The following ERC2 variants were observed in gnomAD, a reference collection of about 807,000 sequenced individuals.
ERC2 encodes ERC protein 2.
ERC2 carries 42 observed loss-of-function variants against 114.8 expected under a neutral mutation model. That is an observed-to-expected ratio of 0.37 (90% CI 0.29 to 0.47). The LOEUF is 0.47. Among genes scored for constraint, ERC2 ranks in the 20% least tolerant of loss-of-function variants. The pLI, the probability that ERC2 is intolerant of heterozygous loss-of-function variation, is 0.99. For missense variants in ERC2, 939 were observed against 1,150.7 expected, an observed-to-expected ratio of 0.82 and a Z score of 2.66; for synonymous variants, 454 against 425.5, an observed-to-expected ratio of 1.07 and a Z score of -0.82.
chr3:55,805,132 C>T (rs980577696), intron 14 of ERC2, among the ~76,000 whole-genome samples: 4 of 151,992 alleles, frequency 2.6e-5, no homozygotes, highest in African/African-American at 9.7e-5. Flanking sequence ...ACTGCCAATG[C>T]TCCTCTAGAC....
intron 2 of ERC2, among the ~76,000 whole-genome samples, chr3:56,391,266 G>C (rs1168803133): frequency 6.6e-6 from 1 of 152,194 alleles, no homozygotes; most frequent in Non-Finnish European, 1.5e-5. Flanking sequence ...CCTGGAATGA[G>C]ATCACTGTGT....
At chr3:55,809,587 G>A (rs540680208) in intron 14 of ERC2, among the ~76,000 whole-genome samples, 41 of 152,104 alleles carry the variant, frequency 2.7e-4, no homozygotes, top group African/African-American at 9.4e-4. Flanking sequence ...GATTACCTCC[G>A]TAAAACAATA....
intron 14 of ERC2, among the ~76,000 whole-genome samples, chr3:55,765,417 G>C (rs925450623): frequency 6.6e-6 from 1 of 152,088 alleles, no homozygotes; most frequent in East Asian, 1.9e-4. Context: ...GATCCTAAAG[G>C]GTCCCCAAAT....
At chr3:56,017,727 C>T (rs2073404159) in intron 8 of ERC2, among the ~76,000 whole-genome samples, 2 of 152,108 alleles carry the variant, frequency 1.3e-5, no homozygotes, top group South Asian at 2.1e-4. Flanking sequence ...AAAATATTAC[C>T]CTCTGAAATC....
intron 15 of ERC2, among the ~76,000 whole-genome samples, chr3:55,719,778 G>A (rs2064342792): frequency 6.6e-6 from 1 of 151,986 alleles, no homozygotes; most frequent in African/African-American, 2.4e-5. Context: ...GGAACACACA[G>A]GCTTTTCCTG....
intron 3 of ERC2, among the ~76,000 whole-genome samples, chr3:56,192,829 A>C (rs1259076435): frequency 1.3e-5 from 2 of 152,176 alleles, no homozygotes; most frequent in Non-Finnish European, 2.9e-5. Context: ...AGATCTTTAG[A>C]TACTGGGATC....
At chr3:55,853,281 C>A (rs1273519782) in intron 14 of ERC2, among the ~76,000 whole-genome samples, 1 of 152,182 alleles carries the variant, frequency 6.6e-6, no homozygotes, top group Non-Finnish European at 1.5e-5. Context: ...AATCCCAACA[C>A]TTTGAGAGGC....
At chr3:55,997,939 T>TG (rs1559997399) in intron 10 of ERC2, among the ~76,000 whole-genome samples, 26 of 116,480 alleles carry the variant, frequency 2.2e-4, no homozygotes, top group South Asian at 6.1e-4. Context: ...GTTTTTTTTT[T>TG]TTTTTTGGTA....
chr3:55,667,637 G>C (rs1180984364), intron 17 of ERC2, among the ~76,000 whole-genome samples: 2 of 152,106 alleles, frequency 1.3e-5, no homozygotes, highest in Non-Finnish European at 2.9e-5. Flanking sequence ...AAATAATAAG[G>C]GTGCCTCTCC....
rs2051941552 is a variant in ERC2, at chr3:55,509,332, A to AG, written c.*1983dup. ...AGAGTTCAGGTCAAGACCTGGTTGT[A>AG]GGAGGCAGTGAGAACCACTTCTTTG... On this transcript the variant is annotated 3_prime_UTR_variant, in exon 18 of 18. Transcript: ENST00000288221. The AG allele has an allele frequency of 6.6e-6, 1 of 152,480 alleles. No individual in the cohort carries two copies. Among genetic ancestry groups the AG allele is most frequent in the Non-Finnish European group, 1.5e-5 (1 of 68,008 alleles). The allele number at this position is 152,480 out of a possible 1,614,324, so 9.4% of individuals were successfully genotyped here. A position where few individuals can be genotyped will look rare whatever the true frequency, so the allele number is the denominator to read the frequency against.
intron 14 of ERC2, among the ~76,000 whole-genome samples, chr3:55,736,359 G>A (rs1274006764): frequency 1.3e-5 from 2 of 152,082 alleles, no homozygotes; most frequent in Non-Finnish European, 1.5e-5. Flanking sequence ...CCTCAAAAAT[G>A]TTACCCTTGT....
intron 17 of ERC2, among the ~76,000 whole-genome samples, chr3:55,673,468 A>G (rs979132408): frequency 2.0e-5 from 3 of 152,196 alleles, no homozygotes; most frequent in Admixed American, 1.3e-4. Context: ...CTGTACTCCC[A>G]GCTACTCGGG....
chr3:55,581,313 C>G (rs964352161), intron 17 of ERC2, among the ~76,000 whole-genome samples: 1 of 152,142 alleles, frequency 6.6e-6, no homozygotes, highest in African/African-American at 2.4e-5. Context: ...TGCAATAATA[C>G]CATTTAGCCT....
intron 16 of ERC2, among the ~76,000 whole-genome samples, chr3:55,696,649 T>C (rs1204903810): frequency 6.6e-6 from 1 of 152,248 alleles, no homozygotes; most frequent in Non-Finnish European, 1.5e-5. Flanking sequence ...TTGATAACTA[T>C]TATCCATTGA....
chr3:55,842,915 G>A (rs890930036), intron 14 of ERC2, among the ~76,000 whole-genome samples: 1 of 152,206 alleles, frequency 6.6e-6, no homozygotes, highest in African/African-American at 2.4e-5. Flanking sequence ...AGGACAAGGA[G>A]TGTGTGAGAG....
At chr3:55,865,995 T>C (rs1013725942) in intron 14 of ERC2, among the ~76,000 whole-genome samples, 1 of 152,174 alleles carries the variant, frequency 6.6e-6, no homozygotes, top group African/African-American at 2.4e-5. Flanking sequence ...CTGTGTCATA[T>C]GGTAACTTTG....
chr3:56,325,375 G>T (rs966158291), intron 2 of ERC2, among the ~76,000 whole-genome samples: 1 of 152,074 alleles, frequency 6.6e-6, no homozygotes, highest in African/African-American at 2.4e-5. Flanking sequence ...GAACCCAGGA[G>T]GCAGAGCTTG....
At chr3:56,442,991 G>A (rs913167181) in intron 1 of ERC2, among the ~76,000 whole-genome samples, 1 of 152,156 alleles carries the variant, frequency 6.6e-6, no homozygotes, top group Non-Finnish European at 1.5e-5. Flanking sequence ...TGCTTTAAGG[G>A]CAGGTACATG....
intron 2 of ERC2, among the ~76,000 whole-genome samples, chr3:56,329,789 CTATA>C (rs35065678): frequency 1.2e-4 from 17 of 146,622 alleles, no homozygotes; most frequent in Non-Finnish European, 1.7e-4. Flanking sequence ...TGTATTTCCA[CTATA>C]TATATATATA....
Sources: gnomAD v4.1 joint callset for allele counts (sites outside exome capture counted in the v4.1 genomes callset) on GRCh38, gnomAD v4.1.1 for gene constraint, MANE v1.5 for transcripts, NCBI Gene and HGNC (gene_info 2026-07-23, HGNC 2026-07-21) for gene names.